KDM4B: variants seen among roughly 807,000 people sequenced by gnomAD.
The protein encoded by KDM4B is lysine demethylase 4B.
KDM4B carries 32 observed loss-of-function variants against 125.2 expected under a neutral mutation model. The observed-to-expected ratio is 0.26, with a 90% CI of 0.19 to 0.34. The LOEUF (loss-of-function observed/expected upper bound fraction) is 0.34. KDM4B is among the 10% of genes least tolerant of loss of function. The pLI, the probability that KDM4B is intolerant of heterozygous loss-of-function variation, is 1.00. For missense variants in KDM4B, 1,190 were observed against 1,577.7 expected, an observed-to-expected ratio of 0.75 and a Z score of 4.16; for synonymous variants, 721 against 677.9, an observed-to-expected ratio of 1.06 and a Z score of -0.99.
rs2034266950 is a variant in KDM4B, at chr19:4,971,785, T to C, written c.-109+2555T>C. ...CTGTTGAGGGCCTGAGGTGCATTTG[T>C]AGGTGGCTTTGTTCCCTGGATCGGG... On this transcript the variant is annotated intron_variant, in intron 1 of 22. Transcript: ENST00000159111. This position sits in a 1 kb window ranked among gnomAD's most constrained non-coding sequence, Gnocchi z 4.1. 6.6e-6 allele frequency among the ~76,000 whole-genome samples: 1 copy of C among 152,114 alleles called. No homozygotes were observed. The highest frequency in any genetic ancestry group is 6.5e-5 in the Admixed American group (1 of 15,274).
chr19:5,090,379 CCCATATCTCTCCCCCTCTCTCTCTCTCT>C (rs2038654535), intron 9 of KDM4B, among the ~76,000 whole-genome samples: 1 of 87,982 alleles, frequency 1.1e-5, no homozygotes, highest in Admixed American at 1.1e-4. Flanking sequence ...TCTCTCTCCC[CCCATATCTCTCCCCCTCTCTCTCTCTCT>C]CCCCCTCTCC....
In KDM4B at chr19:5,111,429, G is replaced by A. The variant is rs183356963; in HGVS notation, c.1115+611G>A. 210 of 765,290 alleles carry A rather than the reference G, an allele frequency of 2.7e-4. No individual in the cohort carries two copies. The highest frequency in any genetic ancestry group is 2.0e-3 in the African/African-American group (119 of 59,274). 47.4% of individuals were successfully genotyped at this position (765,290 alleles called of 1,614,324 possible). A position where few individuals can be genotyped will look rare whatever the true frequency, so the allele number is the denominator to read the frequency against. ...CCTCCCAGCCAGGTATCTGGTGTCC[G>A]CCTGGAGGAGAGGCCAAAGCATCTG... On this transcript the variant is annotated intron_variant, in intron 10 of 22. Coordinates refer to ENST00000159111, the MANE Select transcript of KDM4B (RefSeq NM_015015.3).
chr19:5,106,025 T>C (rs527704815), intron 9 of KDM4B, among the ~76,000 whole-genome samples: 1 of 152,362 alleles, frequency 6.6e-6, no homozygotes, highest in South Asian at 2.1e-4. Flanking sequence ...ACCACAGTTA[T>C]TGTTTTGATA....
chr19:5,133,751 C>CT (rs1248489819), intron 13 of KDM4B, 132 bp from the exon 14 acceptor site: 1 of 816,404 alleles, frequency 1.2e-6, no homozygotes, highest in Non-Finnish European at 1.9e-6. Context: ...GGAGGGGGAG[C>CT]TATGGGCCAG....
chr19:5,135,539 G>A lies in KDM4B; in HGVS notation c.2286G>A (p.Lys762=), dbSNP rs1362960655. Residue 762 remains lysine (K), a synonymous_variant, in exon 15 of 23, where the codon AAG becomes AAA. Transcript: ENST00000159111. The stretch of plus-strand genomic sequence containing the variant: ...CCAGCCCCCTGATCGCCTGCGGCAA[G>A]TGCTGCCTGCAGGTCCATGCCAGTG... ...DGTSPLIACG[K]CCLQVHASCY... is the part of the protein sequence containing the mutation. 3 of 1,603,616 alleles carry A rather than the reference G, an allele frequency of 1.9e-6. No homozygotes were observed. The highest frequency in any genetic ancestry group is 1.7e-5 in the Admixed American group (1 of 59,060).
At chr19:5,138,189 G>A (rs1200987320) in intron 18 of KDM4B, 119 bp downstream of exon 18, 6 of 713,000 alleles carry the variant, frequency 8.4e-6, no homozygotes, top group African/African-American at 1.8e-5. Flanking sequence ...CTCCATGGGG[G>A]TGGTGGGCAG....
chr19:4,993,785 G>C (rs1227064653), intron 1 of KDM4B, among the ~76,000 whole-genome samples: 1 of 151,590 alleles, frequency 6.6e-6, no homozygotes, highest in African/African-American at 2.4e-5. Context: ...TAATTTTTTT[G>C]AATTTTAACA....
chr19:5,136,673 A>G (rs1372196904), intron 15 of KDM4B, among the ~76,000 whole-genome samples: 1 of 151,866 alleles, frequency 6.6e-6, no homozygotes, highest in Non-Finnish European at 1.5e-5. Context: ...GCTGCTCTGG[A>G]GGCAGTGAGG....
rs536280746 is a variant in KDM4B, at chr19:4,986,988, G to C, written c.-109+17758G>C. Among the ~76,000 whole-genome samples, 9 of 150,548 alleles carry C rather than the reference G, an allele frequency of 6.0e-5. No homozygotes were observed. In the South Asian group the frequency reaches 1.9e-3, roughly 32 times the overall value. ...TTTTTTTTTTGTGAGACGGAGTCTT[G>C]CTCTGTCGCCTAGGCTGGAGCGTAG... On this transcript the variant is annotated intron_variant, in intron 1 of 22. Transcript: ENST00000159111.
intron 6 of KDM4B, among the ~76,000 whole-genome samples, chr19:5,050,696 C>T (rs558271941): frequency 1.4e-3 from 219 of 152,242 alleles, no homozygotes; most frequent in African/African-American, 5.0e-3. Context: ...GTCAGGAAAT[C>T]GAGACCATCT....
intron 21 of KDM4B, among the ~76,000 whole-genome samples, chr19:5,146,210 C>G (rs1488262524): frequency 6.8e-6 from 1 of 146,348 alleles, no homozygotes; most frequent in Admixed American, 6.9e-5. Context: ...GGTCACTGCT[C>G]TCGGACCTGT....
At position 5,152,528 on chromosome 19, in the gene KDM4B, G is replaced by A. The variant is rs1468309497; in HGVS notation, c.*1017G>A. The A allele has an allele frequency of 6.6e-6, 1 of 152,296 alleles. No homozygotes were observed. The highest frequency in any genetic ancestry group is 1.9e-4 in the East Asian group (1 of 5,190). The allele number at this position is 152,296 out of a possible 1,614,324, so 9.4% of individuals were successfully genotyped here. ...TTCGGGTACAACCCTGAGCAGGTCG[G>A]GGGACACAGGGCCGAGGCAGGCCTT... On this transcript the variant is annotated 3_prime_UTR_variant, in exon 23 of 23. Coordinates refer to ENST00000159111, the MANE Select transcript of KDM4B (RefSeq NM_015015.3).
At chr19:4,983,466 G>A (rs1010269182) in intron 1 of KDM4B, among the ~76,000 whole-genome samples, 5 of 152,236 alleles carry the variant, frequency 3.3e-5, no homozygotes, top group Admixed American at 1.3e-4. Context: ...GCTGTCTGGC[G>A]GTGGTCCTGG....
intron 9 of KDM4B, among the ~76,000 whole-genome samples, chr19:5,088,755 G>A (rs897017071): frequency 6.6e-6 from 1 of 150,700 alleles, no homozygotes; most frequent in Non-Finnish European, 1.5e-5. Flanking sequence ...GGAGCAGGAC[G>A]CCCCTGCCAG....
At chr19:5,080,909 ATC>A (rs1269416633) in intron 8 of KDM4B, 1 of 152,238 alleles carries the variant, frequency 6.6e-6, no homozygotes, top group Non-Finnish European at 1.5e-5. Context: ...GTGGGAACAA[ATC>A]TCAGAAACGC....
chr19:5,004,737 A>G (rs2035503799), intron 1 of KDM4B, among the ~76,000 whole-genome samples: 1 of 152,118 alleles, frequency 6.6e-6, no homozygotes. Context: ...GAAGGCGGTT[A>G]TATTTTAATG....
In KDM4B at chr19:5,152,111, G is replaced by T. The variant is rs879923762; in HGVS notation, c.*600G>T. 2 of 128,802 alleles carry T rather than the reference G, an allele frequency of 1.6e-5. No homozygotes were observed. Among genetic ancestry groups the T allele is most frequent in the South Asian group, 2.3e-4 (1 of 4,334 alleles). 8.0% of individuals were successfully genotyped at this position (128,802 alleles called of 1,614,324 possible). On this transcript the variant is annotated 3_prime_UTR_variant, in exon 23 of 23. Transcript: ENST00000159111. ...CCCGGTAATTGGAGGGTGAGCCTCG[G>T]GGGGGGGGCAGGACGCCCCGGTTTC...
intron 10 of KDM4B, chr19:5,112,141 T>G: frequency 3.3e-6 from 1 of 299,444 alleles, no homozygotes. Context: ...TGGTCCCAAC[T>G]ACTGAGAAGG....
rs2036612883 is a variant in KDM4B, at chr19:5,035,952, T to C, written c.141+2921T>C. ...CAGCTCTCACACAGCCCAGAGAGCT[T>C]GGCAGCTGCAGAGTCACGTTGGCAC... On this transcript the variant is annotated intron_variant, in intron 3 of 22. Coordinates refer to ENST00000159111, the MANE Select transcript of KDM4B (RefSeq NM_015015.3). This position sits in a 1 kb window ranked among gnomAD's most constrained non-coding sequence, Gnocchi z 5.3. Among the ~76,000 whole-genome samples, 2 of 151,478 alleles carry C rather than the reference T, an allele frequency of 1.3e-5. No homozygotes were observed. The highest frequency in any genetic ancestry group is 2.1e-4 in the South Asian group (1 of 4,796).
Sources: allele counts gnomAD v4.1 joint callset (sites outside exome capture counted in the v4.1 genomes callset), GRCh38; gene constraint gnomAD v4.1.1; non-coding constraint Gnocchi (gnomAD v3.1); transcripts MANE v1.5; gene names NCBI Gene and HGNC (gene_info 2026-07-23, HGNC 2026-07-21).